The following SYT12 variants were observed in gnomAD, a reference collection of about 807,000 sequenced individuals.
The protein encoded by SYT12 is synaptotagmin 12.
SYT12 carries 27 observed loss-of-function variants against 39.5 expected under a neutral mutation model. The observed-to-expected ratio is 0.68, with a 90% confidence interval of 0.50 to 0.94. SYT12 has a LOEUF of 0.94. Ranked by LOEUF, SYT12 falls within the 40% of genes least tolerant of loss-of-function variation. The probability of loss-of-function intolerance (pLI) is 0.00; values close to 1 mark genes in which losing one functional copy is unlikely to be tolerated. For synonymous variants in SYT12, 233 were observed against 239.7 expected (o/e 0.97, Z 0.26); for missense variants, 536 against 572.6 (o/e 0.94, Z 0.65).
chr11:67,040,273 G>A (rs570734955), intron 4 of SYT12, 70 bp downstream of exon 4: 95 of 1,518,544 alleles, frequency 6.3e-5, no homozygotes, highest in Non-Finnish European at 7.4e-5. Flanking sequence ...CAGGCATGGC[G>A]GTGGGGCCCG....
At chr11:67,042,075 G>A (rs1950522795) in intron 4 of SYT12, among the ~76,000 whole-genome samples, 1 of 152,188 alleles carries the variant, frequency 6.6e-6, no homozygotes, top group South Asian at 2.1e-4. Flanking sequence ...AGGCAGTATA[G>A]TGGGCGATTA....
chr11:67,048,156 A>G (rs1380092401), intron 7 of SYT12, among the ~76,000 whole-genome samples: 1 of 150,726 alleles, frequency 6.6e-6, no homozygotes, highest in Admixed American at 6.6e-5. Flanking sequence ...CTGTAATCCC[A>G]GCTACTTGGG....
chr11:67,037,070 G>A (rs1010645781), intron 3 of SYT12, among the ~76,000 whole-genome samples: 3 of 151,850 alleles, frequency 2.0e-5, no homozygotes, highest in Non-Finnish European at 4.4e-5. Context: ...GCAAAACTCT[G>A]TCTCAAACAA....
exon 2 of SYT12, chr11:67,010,119 A>G (rs925190922): frequency 1.3e-5 from 2 of 152,346 alleles, no homozygotes; most frequent in African/African-American, 4.8e-5. Flanking sequence ...AGCTGAAGTG[A>G]CAGGTGAGAA....
intron 1 of SYT12, among the ~76,000 whole-genome samples, chr11:67,025,189 A>G (rs1182818885): frequency 2.0e-5 from 3 of 152,220 alleles, no homozygotes; most frequent in African/African-American, 7.2e-5. Context: ...GGGATCCATT[A>G]ATCCACTGAA....
intron 4 of SYT12, 115 bp from the exon 5 acceptor site, chr11:67,043,523 G>A: frequency 1.1e-6 from 1 of 951,038 alleles, no homozygotes; most frequent in Non-Finnish European, 1.6e-6. Context: ...CATTGAGGGT[G>A]TCAAGACAAC....
Position 67,034,732 on chromosome 11 carries a change from A to G in SYT12, c.122A>G (p.Lys41Arg). The stretch of plus-strand genomic sequence containing the variant: ...GGAATCGCAGCTGTGAGCCTGTGGA[A>G]GCTCTGGACGTCGGGGAGCTTCCCC... ...LLGIAAVSLWKLWTSGSFPSP... is the reference protein window; with the variant it reads ...LLGIAAVSLWRLWTSGSFPSP... Residue 41 changes from lysine to arginine, a missense_variant, in exon 3 of 8, where the codon AAG becomes AGG. Lys to Arg is a conservative substitution (Grantham distance 26). Coordinates refer to ENST00000527043, the MANE Select transcript of SYT12 (RefSeq NM_177963.4). 6.2e-7 allele frequency: 1 copy of G among 1,603,384 alleles called. No homozygotes were observed. Among genetic ancestry groups the G allele is most frequent in the South Asian group, 1.1e-5 (1 of 89,278 alleles).
At chr11:67,042,803 G>A (rs951143589) in intron 4 of SYT12, among the ~76,000 whole-genome samples, 2 of 152,170 alleles carry the variant, frequency 1.3e-5, no homozygotes, top group African/African-American at 2.4e-5. Flanking sequence ...GATTGTGTAG[G>A]GAACGTGAGC....
At chr11:67,046,362 G>A (rs1262022880) in intron 7 of SYT12, among the ~76,000 whole-genome samples, 1 of 152,222 alleles carries the variant, frequency 6.6e-6, no homozygotes, top group Non-Finnish European at 1.5e-5. Context: ...CCACGGGTGG[G>A]GCTTGAAGAT....
At position 67,045,825 on chromosome 11, in the gene SYT12, A is replaced by G; in HGVS notation, c.1040A>G (p.Asn347Ser). ...KKTAVKRDDP[N>S]PVFNEAMIFS... Reference sequence around the variant, plus strand: ...ACAGCCGTGAAGAGGGATGACCCCAACCCGGTGTTCAACGAAGCCATGATC... The same window carrying G: ...ACAGCCGTGAAGAGGGATGACCCCAGCCCGGTGTTCAACGAAGCCATGATC... Residue 347 changes from asparagine to serine, a missense_variant, in exon 7 of 8, where the codon AAC becomes AGC. By Grantham distance (46) the Asn-to-Ser change is conservative. Coordinates refer to ENST00000527043, the MANE Select transcript of SYT12 (RefSeq NM_177963.4). 6.2e-7 allele frequency: 1 copy of G among 1,612,340 alleles called. No homozygotes were observed. Among genetic ancestry groups the G allele is most frequent in the East Asian group, 2.2e-5 (1 of 44,788 alleles).
chr11:67,045,672 G>C, intron 6 of SYT12, 72 bp from the exon 7 acceptor site: 3 of 1,578,430 alleles, frequency 1.9e-6, no homozygotes, highest in Non-Finnish European at 2.6e-6. Context: ...GGAGTCGGTG[G>C]GTGGAGCCAA....
intron 1 of SYT12, among the ~76,000 whole-genome samples, chr11:67,008,529 C>T (rs554455999): frequency 1.3e-4 from 20 of 152,014 alleles, no homozygotes; most frequent in Middle Eastern, 6.8e-3. Flanking sequence ...TCTAGGACTA[C>T]AGGTGTGAGA....
In SYT12 at chr11:67,048,833, A is replaced by G. The variant is rs1854661412; in HGVS notation, c.*76A>G. 1 of 1,506,224 alleles carries G rather than the reference A, an allele frequency of 6.6e-7. No homozygotes were observed. The highest frequency in any genetic ancestry group is 1.2e-5 in the South Asian group (1 of 81,270). 93.3% of individuals were successfully genotyped at this position (1,506,224 alleles called of 1,614,324 possible). On this transcript the variant is annotated 3_prime_UTR_variant, in exon 8 of 8. Coordinates refer to ENST00000527043, the MANE Select transcript of SYT12 (RefSeq NM_177963.4). The stretch of plus-strand genomic sequence containing the variant: ...CTCAGCTCTGTCTGATGCCCTCTCC[A>G]TAGCCCAGCTGGAGCCGTGAACACT...
intron 3 of SYT12, among the ~76,000 whole-genome samples, chr11:67,013,120 A>G (rs577158013): frequency 5.7e-4 from 86 of 152,208 alleles, no homozygotes; most frequent in Non-Finnish European, 1.1e-3. Context: ...ATTGACACGC[A>G]GAGTGGGGAG....
intron 2 of SYT12, among the ~76,000 whole-genome samples, chr11:67,010,362 A>C (rs7924894): frequency 0.025 from 3,827 of 152,270 alleles, 166 homozygotes; most frequent in African/African-American, 0.086. Flanking sequence ...CACCTTGCCC[A>C]GGTCCAGGCT....
intron 7 of SYT12, 38 bp from the exon 8 acceptor site, chr11:67,048,546 G>A: frequency 6.3e-7 from 1 of 1,579,446 alleles, no homozygotes; most frequent in South Asian, 1.1e-5. Flanking sequence ...ACCTCTGACT[G>A]CCCCTGGTCC....
upstream of SYT12, among the ~76,000 whole-genome samples, chr11:67,019,767 G>T (rs185211684): frequency 6.6e-6 from 1 of 151,842 alleles, no homozygotes; most frequent in Non-Finnish European, 1.5e-5. Flanking sequence ...GCGTGGTGGC[G>T]TGAGCCTGTA....
At chr11:67,008,793 C>T (rs550436526) in intron 1 of SYT12, among the ~76,000 whole-genome samples, 1 of 152,326 alleles carries the variant, frequency 6.6e-6, no homozygotes, top group East Asian at 1.9e-4. Context: ...CTGCCTGCCT[C>T]AGCCTCTCAA....
rs568591488 is a variant in SYT12 at position 67,039,710 on chromosome 11, A to T, written c.229-101A>T. The T allele has an allele frequency of 7.8e-5, 109 of 1,400,778 alleles. 1 individual carries two copies. The highest frequency in any genetic ancestry group is 1.5e-4 in the South Asian group (10 of 68,594). The allele number at this position is 1,400,778 out of a possible 1,614,324, so 86.8% of individuals were successfully genotyped here. A position where few individuals can be genotyped will look rare whatever the true frequency, so the allele number is the denominator to read the frequency against. ...GGGCTTCTGTGAAAGGGGAACTTGG[A>T]GATTCGAGAATGAACAGGCCTTACT... On this transcript the variant is annotated intron_variant, in intron 3 of 7. Coordinates refer to ENST00000527043, the MANE Select transcript of SYT12 (RefSeq NM_177963.4).
Sources: allele counts gnomAD v4.1 joint callset (sites outside exome capture counted in the v4.1 genomes callset), GRCh38; gene constraint gnomAD v4.1.1; transcripts MANE v1.5; gene names NCBI Gene and HGNC (gene_info 2026-07-23, HGNC 2026-07-21).